The following SEM1 variants were observed in gnomAD, a reference collection of about 807,000 sequenced individuals.
SEM1 encodes 26S proteasome complex subunit SEM1.
In SEM1, 3 loss-of-function variants were observed where a neutral mutation model predicts 12.7. That is an observed-to-expected ratio of 0.24 (90% confidence interval 0.11 to 0.61). The LOEUF (loss-of-function observed/expected upper bound fraction) is 0.61, where lower values mean the gene tolerates loss of function less well. SEM1 is among the 20% of genes least tolerant of loss of function. The pLI, the probability that SEM1 is intolerant of heterozygous loss-of-function variation, is 0.88. For missense variants in SEM1, 59 were observed against 81.3 expected (o/e 0.73, Z 1.06); for synonymous variants, 30 against 27.8 (o/e 1.08, Z -0.25).
chr7:96,541,925 G>A (rs1450045568), intron 2 of SEM1, among the ~76,000 whole-genome samples: 1 of 119,138 alleles, frequency 8.4e-6, no homozygotes, highest in Non-Finnish European at 1.8e-5. Flanking sequence ...TCTGTATTCT[G>A]TTTCATTGGC....
In SEM1 at chr7:96,544,933, G is replaced by C. The variant is rs1378132748; in HGVS notation, c.171-38235C>G. ...TGCTGTCTCAGGGGCAGCATAAGCA[G>C]AAGAAAATTCAAGTTTAAGTAAACC... is the stretch of plus-strand genomic sequence containing the variant. On this transcript the variant is annotated intron_variant and NMD_transcript_variant, in intron 2 of 3. Coordinates refer to the SEM1 transcript ENST00000466986. Among the ~76,000 whole-genome samples the C allele has an allele frequency of 2.6e-5, 4 of 152,046 alleles. No individual in the cohort carries two copies. The East Asian group carries it at 7.8e-4, about 29-fold the overall frequency.
At chr7:96,701,250 C>G (rs968455718) in intron 1 of SEM1, among the ~76,000 whole-genome samples, 7 of 151,614 alleles carry the variant, frequency 4.6e-5, no homozygotes, top group South Asian at 4.2e-4. Context: ...CCCCCAAAAC[C>G]CCCCCAAAAA....
intron 2 of SEM1, among the ~76,000 whole-genome samples, chr7:96,639,046 C>T (rs1476629173): frequency 6.6e-6 from 1 of 151,890 alleles, no homozygotes; most frequent in African/African-American, 2.4e-5. Context: ...TACCACCTGA[C>T]AAAAAACCAG....
In SEM1 at chr7:96,688,894, T is replaced by A; in HGVS notation, c.*30A>T. ...CCTAGAATGTATTAAGCAGGTCAAG[T>A]TTAGGTTACTTCAACACTTCTTCTG... On this transcript the variant is annotated 3_prime_UTR_variant, in exon 3 of 3. Coordinates refer to ENST00000248566, the MANE Select transcript of SEM1 (RefSeq NM_006304.2). The A allele has an allele frequency of 6.7e-7, 1 of 1,492,140 alleles. No homozygotes were observed. Among genetic ancestry groups the A allele is most frequent in the Non-Finnish European group, 9.3e-7 (1 of 1,071,702 alleles). The allele number at this position is 1,492,140 out of a possible 1,614,324, so 92.4% of individuals were successfully genotyped here.
intron 1 of SEM1, among the ~76,000 whole-genome samples, chr7:96,705,235 T>C (rs376724388): frequency 6.6e-6 from 1 of 152,002 alleles, no homozygotes; most frequent in East Asian, 1.9e-4. Context: ...CTTCAGACTA[T>C]ATAGAAATTT....
chr7:96,483,950 G>C (rs1802648197), exon 4 of SEM1: 1 of 1,535,164 alleles, frequency 6.5e-7, no homozygotes, highest in Admixed American at 2.0e-5. Flanking sequence ...CACCAAGGAT[G>C]GTGGGGGGCT....
At chr7:96,601,433 G>A (rs190390872) in intron 2 of SEM1, among the ~76,000 whole-genome samples, 2 of 152,268 alleles carry the variant, frequency 1.3e-5, no homozygotes, top group Admixed American at 6.5e-5. Context: ...ACTCTTGCAG[G>A]AGGTGAGGGT....
In SEM1 at chr7:96,588,220, G is replaced by A. The variant is rs898562775; in HGVS notation, c.171-81522C>T. ...AAAATTTAAAAATTAGCCAGGTGTC[G>A]TGGTGCATGCCTGTAGTCTCAGCTA... On this transcript the variant is annotated intron_variant and NMD_transcript_variant, in intron 2 of 3. Transcript: ENST00000466986. Among the ~76,000 whole-genome samples, 18 of 151,800 alleles carry A rather than the reference G, an allele frequency of 1.2e-4. No individual in the cohort carries two copies. In the South Asian group the frequency reaches 2.5e-3, roughly 21 times the overall value.
At chr7:96,650,740 A>G (rs1390999056) in intron 2 of SEM1, among the ~76,000 whole-genome samples, 1 of 152,112 alleles carries the variant, frequency 6.6e-6, no homozygotes, top group Non-Finnish European at 1.5e-5. Flanking sequence ...AAGTGGCCCA[A>G]CAGCAACAAT....
chr7:96,701,718 A>G (rs1162122871), intron 1 of SEM1, among the ~76,000 whole-genome samples: 2 of 152,152 alleles, frequency 1.3e-5, no homozygotes, highest in African/African-American at 2.4e-5. Context: ...ATCAATCCAA[A>G]TCAAAATGAT....
chr7:96,541,437 T>A (rs1430096360), intron 2 of SEM1, among the ~76,000 whole-genome samples: 1 of 134,900 alleles, frequency 7.4e-6, no homozygotes. Context: ...ATGGGTTTTT[T>A]TTTTTGTTTT....
chr7:96,509,016 T>C (rs888431523), intron 2 of SEM1, among the ~76,000 whole-genome samples: 2 of 150,690 alleles, frequency 1.3e-5, no homozygotes, highest in Non-Finnish European at 3.0e-5. Flanking sequence ...TTTGACAGTC[T>C]TGTTCTGTCA....
At chr7:96,483,817 G>A in exon 4 of SEM1, 1 of 1,535,548 alleles carries the variant, frequency 6.5e-7, no homozygotes, top group Non-Finnish European at 8.7e-7. Context: ...ATAGATGTGG[G>A]CACCATATGA....
chr7:96,572,576 C>T (rs1205068511), intron 2 of SEM1, among the ~76,000 whole-genome samples: 2 of 152,138 alleles, frequency 1.3e-5, no homozygotes, highest in African/African-American at 4.8e-5. Context: ...GTTCAGTTTT[C>T]ATGTAGTTGT....
intron 1 of SEM1, among the ~76,000 whole-genome samples, chr7:96,708,473 T>C (rs1028942470): frequency 2.0e-5 from 3 of 152,230 alleles, no homozygotes; most frequent in Non-Finnish European, 4.4e-5. Flanking sequence ...TTTAGTGAAG[T>C]AGTAATTGCT....
chr7:96,613,170 ACT>A (rs1425481415), intron 2 of SEM1, among the ~76,000 whole-genome samples: 1 of 152,092 alleles, frequency 6.6e-6, no homozygotes, highest in African/African-American at 2.4e-5. Context: ...ATATTTTATA[ACT>A]CTATATATTG....
At chr7:96,690,031 A>G (rs1019839021) in intron 2 of SEM1, among the ~76,000 whole-genome samples, 2 of 152,214 alleles carry the variant, frequency 1.3e-5, no homozygotes, top group African/African-American at 4.8e-5. Context: ...AATAAGAGTC[A>G]AGGCTGAAAG....
At chr7:96,556,002 A>T (rs1439252566) in intron 2 of SEM1, among the ~76,000 whole-genome samples, 1 of 95,972 alleles carries the variant, frequency 1.0e-5, no homozygotes, top group Non-Finnish European at 2.7e-5. Context: ...ATCAGAGACT[A>T]GGATTGCAAC....
At chr7:96,687,163 C>A (rs1010814791), downstream of SEM1, among the ~76,000 whole-genome samples, 3 of 152,004 alleles carry the variant, frequency 2.0e-5, no homozygotes, top group African/African-American at 4.8e-5. Context: ...TGTGGAGAAA[C>A]AGGAACACTT....
Sources: allele counts gnomAD v4.1 joint callset (sites outside exome capture counted in the v4.1 genomes callset), GRCh38; gene constraint gnomAD v4.1.1; transcripts MANE v1.5; gene names NCBI Gene and HGNC (gene_info 2026-07-23, HGNC 2026-07-21).